Variants in GGPS1 observed in about 807,000 individuals in gnomAD.
The protein encoded by GGPS1 is geranylgeranyl pyrophosphate synthase.
GGPS1 carries 15 observed loss-of-function variants against 28.1 expected under a neutral mutation model. The ratio of observed to expected loss-of-function variants is 0.53; its 90% CI spans 0.36 to 0.82. The LOEUF is 0.82. Ranked by LOEUF, GGPS1 falls within the 40% of genes least tolerant of loss-of-function variation. The probability of loss-of-function intolerance (pLI) is 0.01; values close to 1 mark genes in which losing one functional copy is unlikely to be tolerated. For synonymous variants in GGPS1, 138 were observed against 122.4 expected (o/e 1.13, Z -0.84); for missense variants, 284 against 348.3 (o/e 0.82, Z 1.47).
At position 235,341,067 on chromosome 1, in the gene GGPS1, C is replaced by T. The variant is rs537419339; in HGVS notation, c.71-641C>T. On this transcript the variant is annotated intron_variant, in intron 2 of 3. Coordinates refer to ENST00000282841, the MANE Select transcript of GGPS1 (RefSeq NM_004837.4). ...CTTCTTGGCCTGGCGCAGTGGCTCACGCCTGTAATCCAAACACTTTGGGAG... is the reference window on the plus strand; with the variant it reads ...CTTCTTGGCCTGGCGCAGTGGCTCATGCCTGTAATCCAAACACTTTGGGAG... Among the ~76,000 whole-genome samples the T allele has an allele frequency of 2.6e-5, 4 of 152,280 alleles. 1 individual carries two copies. Among genetic ancestry groups the T allele is most frequent in the East Asian group, 1.9e-4 (1 of 5,184 alleles).
At chr1:235,332,933 T>G (rs1675758968) in intron 1 of GGPS1, among the ~76,000 whole-genome samples, 2 of 151,806 alleles carry the variant, frequency 1.3e-5, no homozygotes, top group Admixed American at 1.3e-4. Flanking sequence ...CTGGGCGTGG[T>G]GGTGGGCACC....
chr1:235,336,645 AAAG>A (rs147246604), intron 2 of GGPS1, among the ~76,000 whole-genome samples: 6,928 of 152,260 alleles, frequency 0.046, 515 homozygotes, highest in African/African-American at 0.15. Flanking sequence ...ATTTTTTAAA[AAAG>A]AAGAAATAAT....
At chr1:235,338,556 T>C (rs1675934824) in intron 2 of GGPS1, among the ~76,000 whole-genome samples, 1 of 152,130 alleles carries the variant, frequency 6.6e-6, no homozygotes, top group African/African-American at 2.4e-5. Context: ...AGACTCTGTT[T>C]TTCATCTTCA....
Position 235,342,796 on chromosome 1 carries a change from C to T in GGPS1, c.*24C>T. On this transcript the variant is annotated 3_prime_UTR_variant, in exon 4 of 4. Coordinates refer to ENST00000282841, the MANE Select transcript of GGPS1 (RefSeq NM_004837.4). ...AATGTTAAGCCATTCTTGATTGGAC[C>T]TCATAGCTTATTTTAGTTAATCTTT... is the stretch of plus-strand genomic sequence containing the variant. 6.8e-7 allele frequency: 1 copy of T among 1,466,726 alleles called. No individual in the cohort carries two copies. The highest frequency in any genetic ancestry group is 9.2e-7 in the Non-Finnish European group (1 of 1,081,456). The allele number at this position is 1,466,726 out of a possible 1,614,324, so 90.9% of individuals were successfully genotyped here.
At chr1:235,332,557 T>C (rs2103340149) in intron 1 of GGPS1, among the ~76,000 whole-genome samples, 1 of 152,222 alleles carries the variant, frequency 6.6e-6, no homozygotes, top group East Asian at 1.9e-4. Flanking sequence ...ATTTTACTTT[T>C]GTGGCACGTT....
chr1:235,340,711 G>A (rs1350013405), intron 2 of GGPS1, among the ~76,000 whole-genome samples: 6 of 134,178 alleles, frequency 4.5e-5, no homozygotes, highest in Non-Finnish European at 7.8e-5. Flanking sequence ...ACTCCAGCCT[G>A]GGCGACAGAG....
At chr1:235,340,750 A>AAAC (rs1676015946) in intron 2 of GGPS1, among the ~76,000 whole-genome samples, 1 of 149,996 alleles carries the variant, frequency 6.7e-6, no homozygotes, top group South Asian at 2.1e-4. Flanking sequence ...AAAAAAAAAA[A>AAAC]AAAAAAAACA....
chr1:235,342,557 GTGCAGAATATCT>G lies in GGPS1; in HGVS notation c.692_703del (p.Gln231_Leu234del), dbSNP rs759794514. ...TTGGTCAAGGCCTGAAAGCACCCAG[GTGCAGAATATCT>G]TGCGCCAGAGAACAGAAAACATAGA... On this transcript the variant is annotated inframe_deletion, in exon 4 of 4. Transcript: ENST00000282841. 1 of 1,611,828 alleles carries G rather than the reference GTGCAGAATATCT, an allele frequency of 6.2e-7. No homozygotes were observed. Among genetic ancestry groups the G allele is most frequent in the Non-Finnish European group, 8.5e-7 (1 of 1,177,962 alleles).
rs1675831066 is a variant in GGPS1 at position 235,335,307 on chromosome 1, C to T, written c.43C>T (p.Pro15Ser). Residue 15 changes from proline to serine, a missense_variant, in exon 2 of 4, where the codon CCC becomes TCC. By Grantham distance (74) the Pro-to-Ser change is moderately conservative. Transcript: ENST00000282841. Reference sequence around the variant, plus strand: ...AACAGTCCAAAGAATTCTTCTAGAACCCTATAAATACTTACTTCAGTTACC... The same window carrying T: ...AACAGTCCAAAGAATTCTTCTAGAATCCTATAAATACTTACTTCAGTTACC... ...QETVQRILLE[P>S]YKYLLQLPGK... The T allele has an allele frequency of 1.9e-5, 30 of 1,548,240 alleles. No individual in the cohort carries two copies. Among genetic ancestry groups the T allele is most frequent in the Non-Finnish European group, 2.7e-5 (30 of 1,121,706 alleles).
chr1:235,338,251 C>T (rs1013822286), intron 2 of GGPS1, among the ~76,000 whole-genome samples: 7 of 151,468 alleles, frequency 4.6e-5, no homozygotes, highest in South Asian at 2.1e-4. Flanking sequence ...GCATGTGATA[C>T]GCCCTTGTAG....
chr1:235,336,201 G>A (rs574107770), intron 2 of GGPS1, among the ~76,000 whole-genome samples: 1 of 152,284 alleles, frequency 6.6e-6, no homozygotes, highest in East Asian at 1.9e-4. Context: ...GACCAGCCTG[G>A]CCAACATGGT....
chr1:235,332,175 G>T (rs1256779984), intron 1 of GGPS1, among the ~76,000 whole-genome samples: 1 of 152,182 alleles, frequency 6.6e-6, no homozygotes, highest in Non-Finnish European at 1.5e-5. Flanking sequence ...CATCACCCAT[G>T]TAATCACGTT....
At chr1:235,339,412 G>T (rs1675963336) in intron 2 of GGPS1, among the ~76,000 whole-genome samples, 1 of 152,046 alleles carries the variant, frequency 6.6e-6, no homozygotes, top group Admixed American at 6.6e-5. Context: ...AGGTTGTGGT[G>T]AGCCGAGCCA....
At chr1:235,327,537 C>T (rs1377923868), upstream of GGPS1, 1 of 152,248 alleles carries the variant, frequency 6.6e-6, no homozygotes, top group African/African-American at 2.4e-5. Context: ...CGGCCCCCAC[C>T]CTGCCCGGGC....
intron 1 of GGPS1, among the ~76,000 whole-genome samples, chr1:235,332,714 A>G (rs1017669389): frequency 1.3e-5 from 2 of 152,196 alleles, no homozygotes; most frequent in African/African-American, 2.4e-5. Flanking sequence ...GCTCCTAAGT[A>G]TATTTTACAT....
intron 2 of GGPS1, among the ~76,000 whole-genome samples, chr1:235,339,682 C>T (rs1675972092): frequency 6.6e-6 from 1 of 151,588 alleles, no homozygotes; most frequent in South Asian, 2.1e-4. Flanking sequence ...ATCGCTTGAA[C>T]CCAGGGGGCG....
Position 235,344,031 on chromosome 1 carries a change from C to G in GGPS1, c.*1259C>G, listed in dbSNP as rs371654078. The G allele has an allele frequency of 8.3e-4, 138 of 166,534 alleles. No homozygotes were observed. Among genetic ancestry groups the G allele is most frequent in the African/African-American group, 3.1e-3 (130 of 41,276 alleles). 10.3% of individuals were successfully genotyped at this position (166,534 alleles called of 1,614,324 possible). On this transcript the variant is annotated 3_prime_UTR_variant, in exon 4 of 4. Coordinates refer to ENST00000282841, the MANE Select transcript of GGPS1 (RefSeq NM_004837.4). ...CTGAGAGGGCCTGACTGAAAAGTAA[C>G]CAAAGGCTTAATATCAAACACTAAT...
Position 235,342,178 on chromosome 1 carries a change from C to T in GGPS1, c.309C>T (p.Val103=). ...TGTATTTCCTTGGCTTGGAGAAAGT[C>T]TTAACCCTTGATCACCCAGATGCAG... ...NYVYFLGLEK[V]LTLDHPDAVK... The change falls in exon 4 of 4, where the codon GTC becomes GTT. Residue 103 remains valine, a synonymous_variant. Coordinates refer to ENST00000282841, the MANE Select transcript of GGPS1 (RefSeq NM_004837.4). 2 of 1,614,090 alleles carry T rather than the reference C, an allele frequency of 1.2e-6. No homozygotes were observed. Among genetic ancestry groups the T allele is most frequent in the South Asian group, 2.2e-5 (2 of 91,080 alleles).
At chr1:235,341,345 C>A (rs1044182174) in intron 2 of GGPS1, among the ~76,000 whole-genome samples, 1 of 152,120 alleles carries the variant, frequency 6.6e-6, no homozygotes, top group Non-Finnish European at 1.5e-5. Context: ...AATAAATAAA[C>A]TAGCTTCCTT....
Sources: gnomAD v4.1 joint callset for allele counts (sites outside exome capture counted in the v4.1 genomes callset) on GRCh38, gnomAD v4.1.1 for gene constraint, MANE v1.5 for transcripts, NCBI Gene and HGNC (gene_info 2026-07-23, HGNC 2026-07-21) for gene names.